The following ANKS3 variants were observed in gnomAD, a reference collection of about 807,000 sequenced individuals.
ANKS3 encodes the protein ankyrin repeat and sterile alpha motif domain containing 3.
ANKS3 carries 62 observed loss-of-function variants against 80.7 expected under a neutral mutation model. That is an observed-to-expected ratio of 0.77 (90% CI 0.63 to 0.95). The LOEUF (loss-of-function observed/expected upper bound fraction) is 0.95. Ranked by LOEUF, ANKS3 falls within the 40% of genes least tolerant of loss-of-function variation. ANKS3 has a pLI of 0.00. For synonymous variants in ANKS3, 489 were observed against 355.3 expected, an observed-to-expected ratio of 1.38 and a Z score of -4.23; for missense variants, 1,150 against 883.6, an observed-to-expected ratio of 1.30 and a Z score of -3.82.
chr16:4,697,146 G>C (rs777378247), intron 16 of ANKS3, 42 bp from the exon 17 acceptor site: 1 of 1,603,020 alleles, frequency 6.2e-7, no homozygotes, highest in South Asian at 1.1e-5. Context: ...CCAGGCTCAG[G>C]AGGGCTGGGT....
intron 6 of ANKS3, among the ~76,000 whole-genome samples, chr16:4,720,129 T>C (rs1596419328): frequency 9.3e-6 from 1 of 107,732 alleles, no homozygotes; most frequent in South Asian, 3.2e-4. Flanking sequence ...ACCACTGTAC[T>C]CCAGCCTTGG....
chr16:4,706,400 C>T (rs542013769), intron 7 of ANKS3, among the ~76,000 whole-genome samples: 3 of 151,950 alleles, frequency 2.0e-5, no homozygotes, highest in South Asian at 4.2e-4. Context: ...CCCAGCTAAT[C>T]TTGTTTTTGT....
At chr16:4,722,053 G>A (rs1466831545) in intron 6 of ANKS3, among the ~76,000 whole-genome samples, 1 of 151,448 alleles carries the variant, frequency 6.6e-6, no homozygotes, top group Non-Finnish European at 1.5e-5. Flanking sequence ...TATTCCCAGA[G>A]TCGCCCGTGG....
chr16:4,698,277 G>A (rs770260372), intron 14 of ANKS3, 150 bp downstream of exon 14: 50 of 1,235,770 alleles, frequency 4.0e-5, no homozygotes, highest in Admixed American at 1.2e-4. Flanking sequence ...CCTGCAGGAA[G>A]GAAGGGCCTG....
chr16:4,710,979 G>A (rs919723081), intron 7 of ANKS3, among the ~76,000 whole-genome samples: 2 of 151,828 alleles, frequency 1.3e-5, no homozygotes, highest in African/African-American at 4.8e-5. Context: ...AGTGGAGACG[G>A]GGTTTCACCA....
chr16:4,720,776 A>G (rs1205265840), intron 6 of ANKS3, among the ~76,000 whole-genome samples: 4 of 150,530 alleles, frequency 2.7e-5, no homozygotes, highest in African/African-American at 9.7e-5. Context: ...CCTGTCTACT[A>G]AAAATACAAA....
At position 4,702,104 on chromosome 16, in the gene ANKS3, C is replaced by T. The variant is rs762670364; in HGVS notation, c.1007G>A (p.Arg336Gln). ...DVESSSSSSS[R>Q]EEHAFCANLG... The stretch of plus-strand genomic sequence containing the variant: ...CGGATGGGTGGGGGTGCACGTACCC[C>T]GACTGCTGCTGCTGCTGCTGCTCTC... The change falls in exon 9 of 18, where the codon CGG becomes CAG. Residue 336 changes from arginine to glutamine, a missense_variant and splice_region_variant. Coordinates refer to ENST00000304283, the MANE Select transcript of ANKS3 (RefSeq NM_133450.4). The T allele has an allele frequency of 1.1e-5, 17 of 1,586,902 alleles. No homozygotes were observed. The highest frequency in any genetic ancestry group is 6.7e-5 in the South Asian group (6 of 89,060).
At position 4,734,077 on chromosome 16, in the gene ANKS3, G is replaced by A. The variant is rs548382170; in HGVS notation, c.-210C>T. The A allele has an allele frequency of 3.1e-6, 3 of 964,796 alleles. No homozygotes were observed. The highest frequency in any genetic ancestry group is 3.7e-6 in the Non-Finnish European group (3 of 811,146). The allele number at this position is 964,796 out of a possible 1,614,324, so 59.8% of individuals were successfully genotyped here. On this transcript the variant is annotated 5_prime_UTR_variant, in exon 1 of 18. Coordinates refer to ENST00000304283, the MANE Select transcript of ANKS3 (RefSeq NM_133450.4). Reference sequence around the variant, plus strand: ...TCCAGTCACGCGGCGAGCAAGTGCAGCGCGGGACGCCCGAGCGCCGGGTCT... The same window carrying A: ...TCCAGTCACGCGGCGAGCAAGTGCAACGCGGGACGCCCGAGCGCCGGGTCT...
At chr16:4,723,072 A>G (rs2081183516) in intron 6 of ANKS3, among the ~76,000 whole-genome samples, 1 of 152,240 alleles carries the variant, frequency 6.6e-6, no homozygotes, top group African/African-American at 2.4e-5. Flanking sequence ...ACCTTTGTCT[A>G]TGACTGGTGG....
chr16:4,697,000 G>C lies in ANKS3; in HGVS notation c.*11+17C>G. The C allele has an allele frequency of 6.2e-7, 1 of 1,610,820 alleles. No homozygotes were observed. On this transcript the variant is annotated intron_variant, in intron 17 of 17. Transcript: ENST00000304283. ...TGCTGCTCCCACCACGCGGGATCCA[G>C]GCTGGCAGACACTCACCGGCCCGCA...
chr16:4,698,069 G>T lies in ANKS3; in HGVS notation c.1725-7C>A. 6.2e-7 allele frequency: 1 copy of T among 1,603,466 alleles called. No homozygotes were observed. Among genetic ancestry groups the T allele is most frequent in the Non-Finnish European group, 8.5e-7 (1 of 1,175,710 alleles). On this transcript the variant is annotated splice_region_variant and splice_polypyrimidine_tract_variant and intron_variant, in intron 14 of 17. Coordinates refer to ENST00000304283, the MANE Select transcript of ANKS3 (RefSeq NM_133450.4). ...CAGCTCAGCTTGACAGGCTCTGCCA[G>T]ACACAGAAACAAATATTGGTGAGAG...
rs1304790095 is a variant in ANKS3, at chr16:4,697,418, T to C, written c.1811-2A>G. ...GGGACGCTTGCCAGCCCTTGGAGTC[T>C]GTGGTGCAGGTGCAGGGACCGAGTT... On this transcript the variant is annotated splice_acceptor_variant, in intron 15 of 17. Coordinates refer to ENST00000304283, the MANE Select transcript of ANKS3 (RefSeq NM_133450.4). LOFTEE classifies it high-confidence loss of function. 8 of 1,600,422 alleles carry C rather than the reference T, an allele frequency of 5.0e-6. No homozygotes were observed. The highest frequency in any genetic ancestry group is 2.2e-5 in the East Asian group (1 of 44,644).
chr16:4,697,353 T>C lies in ANKS3; in HGVS notation c.1874A>G (p.Glu625Gly), dbSNP rs1208932423. ...MSLPELSGAL[E>G]DRVREMGQAL... The stretch of plus-strand genomic sequence containing the variant: ...CTCACCCATCTCACGGACACGGTCC[T>C]CCAGGGCTCCCGAGAGCTCGGGGAG... The change falls in exon 16 of 18, where the codon GAG becomes GGG. Residue 625 changes from glutamate to glycine, a missense_variant. By Grantham distance (98) the Glu-to-Gly change is moderately conservative (BLOSUM62 -2). Transcript: ENST00000304283. 3.7e-6 allele frequency: 6 copies of C among 1,609,454 alleles called. No individual in the cohort carries two copies. Among genetic ancestry groups the C allele is most frequent in the East Asian group, 2.2e-5 (1 of 44,774 alleles).
intron 8 of ANKS3, among the ~76,000 whole-genome samples, chr16:4,702,658 C>T (rs985538956): frequency 9.2e-5 from 14 of 152,106 alleles, no homozygotes; most frequent in African/African-American, 3.1e-4. Context: ...AGGCGCTTAG[C>T]GGGCCTCCTC....
chr16:4,727,402 G>A (rs569641264), intron 3 of ANKS3: 12 of 592,644 alleles, frequency 2.0e-5, no homozygotes, highest in African/African-American at 7.4e-5. Flanking sequence ...CTCTGATTTC[G>A]CATCCTCCTA....
chr16:4,732,737 G>C (rs1164839952), intron 1 of ANKS3, among the ~76,000 whole-genome samples: 2 of 151,410 alleles, frequency 1.3e-5, no homozygotes, highest in African/African-American at 4.9e-5. Flanking sequence ...ATCCCGAGTG[G>C]TGTGGTGTAA....
At chr16:4,716,978 TC>T (rs1246599479) in intron 6 of ANKS3, among the ~76,000 whole-genome samples, 1 of 152,022 alleles carries the variant, frequency 6.6e-6, no homozygotes, top group Non-Finnish European at 1.5e-5. Context: ...AAGCCTGTAA[TC>T]CCAGCACTTT....
chr16:4,697,822 C>T (rs1036621691), intron 15 of ANKS3, among the ~76,000 whole-genome samples, 155 bp downstream of exon 15: 14 of 152,150 alleles, frequency 9.2e-5, no homozygotes, highest in African/African-American at 3.4e-4. Flanking sequence ...CCCAGGGCCC[C>T]CTCTTTTCCT....
chr16:4,731,925 G>A (rs911883405), intron 1 of ANKS3, among the ~76,000 whole-genome samples: 15 of 152,164 alleles, frequency 9.9e-5, no homozygotes, highest in African/African-American at 3.6e-4. Context: ...AGGAAACAAG[G>A]GTAGGAAAGG....
Sources: gnomAD v4.1 joint callset for allele counts (sites outside exome capture counted in the v4.1 genomes callset) on GRCh38, gnomAD v4.1.1 for gene constraint, MANE v1.5 for transcripts, NCBI Gene and HGNC (gene_info 2026-07-23, HGNC 2026-07-21) for gene names.